Variants in ZNF85 observed in about 807,000 individuals in gnomAD.
The protein encoded by ZNF85 is zinc finger protein 85 (HPF4, HTF1).
Under a neutral mutation model 53.9 loss-of-function variants are expected in ZNF85, and 50 were observed. That is an observed-to-expected ratio of 0.93 (90% CI 0.74 to 1.17). The LOEUF is 1.17. Among genes scored for constraint, ZNF85 ranks in the 50% most tolerant of loss-of-function variants. The probability of loss-of-function intolerance (pLI) is 0.00; values close to 1 mark genes in which losing one functional copy is unlikely to be tolerated. For synonymous variants in ZNF85, 225 were observed against 226.1 expected, an observed-to-expected ratio of 1.00 and a Z score of 0.04; for missense variants, 747 against 688.5, an observed-to-expected ratio of 1.08 and a Z score of -0.95.
intron 3 of ZNF85, among the ~76,000 whole-genome samples, chr19:20,941,385 C>T (rs1269789665): frequency 2.0e-5 from 3 of 152,276 alleles, no homozygotes; most frequent in East Asian, 3.9e-4. Flanking sequence ...TCCTCAGCCT[C>T]CTGAGTAGCT....
chr19:20,940,537 CA>C (rs139040245), intron 3 of ZNF85, among the ~76,000 whole-genome samples: 3 of 148,396 alleles, frequency 2.0e-5, no homozygotes, highest in Non-Finnish European at 3.0e-5. Flanking sequence ...ACCCTGTCTC[CA>C]AAAAAAAAAT....
intron 3 of ZNF85, among the ~76,000 whole-genome samples, chr19:20,938,463 A>G (rs1040696709): frequency 3.1e-4 from 47 of 152,016 alleles, no homozygotes; most frequent in Admixed American, 2.3e-3. Context: ...TGGCTCTCTC[A>G]TAAGGGCATT....
intron 1 of ZNF85, among the ~76,000 whole-genome samples, chr19:20,925,582 A>G (rs1231807747): frequency 1.3e-5 from 2 of 152,190 alleles, no homozygotes; most frequent in Non-Finnish European, 2.9e-5. Flanking sequence ...AAAAAATAGT[A>G]TCCCAAAAGA....
intron 2 of ZNF85, among the ~76,000 whole-genome samples, chr19:20,934,362 A>G (rs1449145699): frequency 6.6e-6 from 1 of 152,182 alleles, no homozygotes; most frequent in Non-Finnish European, 1.5e-5. Flanking sequence ...GCTGATCTGT[A>G]TCCTTCACTG....
intron 2 of ZNF85, 145 bp downstream of exon 2, chr19:20,934,295 G>A: frequency 1.7e-6 from 2 of 1,168,920 alleles, no homozygotes; most frequent in Non-Finnish European, 1.2e-6. Context: ...ATTAATACAT[G>A]TAGAAAAGAA....
chr19:20,941,360 G>A (rs1414626514), intron 3 of ZNF85, among the ~76,000 whole-genome samples: 1 of 152,138 alleles, frequency 6.6e-6, no homozygotes, highest in South Asian at 2.1e-4. Flanking sequence ...TCTGCCTCTG[G>A]GGTTCAAGCA....
intron 1 of ZNF85, among the ~76,000 whole-genome samples, chr19:20,928,982 C>G (rs1027629942): frequency 6.6e-6 from 1 of 152,006 alleles, no homozygotes; most frequent in East Asian, 1.9e-4. Flanking sequence ...CACAGAGGTA[C>G]TAAGCATAGC....
chr19:20,943,478 G>T (rs1214616386), intron 3 of ZNF85: 1 of 152,180 alleles, frequency 6.6e-6, no homozygotes, highest in Non-Finnish European at 1.5e-5. Context: ...CATTGTGGAA[G>T]CTTACTGAAA....
At chr19:20,947,555 T>C (rs1037377929) in intron 3 of ZNF85, among the ~76,000 whole-genome samples, 6 of 136,056 alleles carry the variant, frequency 4.4e-5, no homozygotes, top group African/African-American at 1.6e-4. Context: ...CATAGTTCCC[T>C]TCTCGCTTGC....
At position 20,948,746 on chromosome 19, in the gene ZNF85, A is replaced by T. The variant is rs193252937; in HGVS notation, c.232A>T (p.Met78Leu). ...HEIMVAKPTV[M>L]CSHFAQDLWP... ...TTTGTCATTTTTGTTTCTTTCAGTT[A>T]TGTGTTCTCATTTTGCCCAAGACCT... Residue 78 changes from methionine to leucine, a missense_variant and splice_region_variant, in exon 4 of 4, where the codon ATG becomes TTG. Transcript: ENST00000328178. 26 of 1,542,398 alleles carry T rather than the reference A, an allele frequency of 1.7e-5. No individual in the cohort carries two copies. Among genetic ancestry groups the T allele is most frequent in the Non-Finnish European group, 6.1e-6 (7 of 1,148,528 alleles).
At chr19:20,942,598 TA>T (rs1973323196) in intron 3 of ZNF85, among the ~76,000 whole-genome samples, 3 of 152,224 alleles carry the variant, frequency 2.0e-5, no homozygotes, top group African/African-American at 7.2e-5. Context: ...CTGTAGTTTG[TA>T]TTGACATCTT....
At chr19:20,934,507 C>T (rs151073106) in intron 2 of ZNF85, among the ~76,000 whole-genome samples, 1,799 of 152,220 alleles carry the variant, frequency 0.012, 32 homozygotes, top group African/African-American at 0.034. Flanking sequence ...TGGTGGCTCA[C>T]GCCTGTAATC....
chr19:20,923,296 T>C lies in ZNF85; in HGVS notation c.-105T>C. 3 of 1,575,118 alleles carry C rather than the reference T, an allele frequency of 1.9e-6. No individual in the cohort carries two copies. The South Asian group carries it at 3.3e-5, about 18-fold the overall frequency. ...CCTGAGCTCTAGGTCTTGTTTTCCCTGCTTTGTGTTTTCTGCTCGTGGACG... is the reference window on the plus strand; with the variant it reads ...CCTGAGCTCTAGGTCTTGTTTTCCCCGCTTTGTGTTTTCTGCTCGTGGACG... On this transcript the variant is annotated 5_prime_UTR_variant, in exon 1 of 4. Transcript: ENST00000328178.
chr19:20,946,476 C>T, intron 3 of ZNF85: 1 of 283,856 alleles, frequency 3.5e-6, no homozygotes, highest in Non-Finnish European at 6.8e-6. Context: ...ATTGAAATAT[C>T]CTACTATAAA....
In ZNF85 at chr19:20,950,244, G is replaced by T. The variant is rs1439715330; in HGVS notation, c.1730G>T (p.Trp577Leu). The T allele has an allele frequency of 6.2e-7, 1 of 1,602,636 alleles. No individual in the cohort carries two copies. Residue 577 changes from tryptophan (W) to leucine (L), a missense_variant, in exon 4 of 4, where the codon TGG becomes TTG. By Grantham distance (61) the Trp-to-Leu change is moderately conservative. Coordinates refer to ENST00000328178, the MANE Select transcript of ZNF85 (RefSeq NM_003429.5). ...KCEECDKAFK[W>L]SSVLTKHKII... ...GAAGAATGTGACAAAGCTTTTAAAT[G>T]GTCCTCAGTCCTTACTAAACATAAG... is the stretch of plus-strand genomic sequence containing the variant.
intron 3 of ZNF85, among the ~76,000 whole-genome samples, chr19:20,942,116 T>C (rs1284662049): frequency 2.0e-5 from 3 of 152,050 alleles, no homozygotes; most frequent in Non-Finnish European, 4.4e-5. Flanking sequence ...TATCTGTTTT[T>C]GTGTCAGTAC....
At chr19:20,942,301 C>G (rs1449798293) in intron 3 of ZNF85, among the ~76,000 whole-genome samples, 1 of 150,998 alleles carries the variant, frequency 6.6e-6, no homozygotes, top group African/African-American at 2.5e-5. Context: ...CACCTCCACA[C>G]CTGGCTAATT....
rs7254311 is a variant in ZNF85 at position 20,934,997 on chromosome 19, A to C, written c.179A>C (p.Lys60Thr). Residue 60 changes from lysine to threonine, a missense_variant, in exon 3 of 4, where the codon AAA (lysine) becomes ACA (threonine). Coordinates refer to ENST00000328178, the MANE Select transcript of ZNF85 (RefSeq NM_003429.5). ...PDLITCLEQGKEAWSMKRHEI... is the reference protein window; with the variant it reads ...PDLITCLEQGTEAWSMKRHEI... ...CTGATCACTTGTCTGGAGCAAGGGA[A>C]AGAGGCCTGGAGTATGAAGAGACAT... is the stretch of plus-strand genomic sequence containing the variant. 1,895 of 1,611,678 alleles carry C rather than the reference A, an allele frequency of 1.2e-3. 16 individuals carry two copies. The African/African-American group carries it at 0.023, about 20-fold the overall frequency.
chr19:20,950,401 T>C lies in ZNF85; in HGVS notation c.*99T>C. Reference sequence around the variant, plus strand: ...TAACCTGAAAGATGTGACAATAATTTTGACAACACCTCAGACTTATAAAAG... The same window carrying C: ...TAACCTGAAAGATGTGACAATAATTCTGACAACACCTCAGACTTATAAAAG... On this transcript the variant is annotated 3_prime_UTR_variant, in exon 4 of 4. Coordinates refer to ENST00000328178, the MANE Select transcript of ZNF85 (RefSeq NM_003429.5). 1 of 836,140 alleles carries C rather than the reference T, an allele frequency of 1.2e-6. No individual in the cohort carries two copies. Among genetic ancestry groups the C allele is most frequent in the Non-Finnish European group, 1.8e-6 (1 of 561,072 alleles). The allele number at this position is 836,140 out of a possible 1,614,324, so 51.8% of individuals were successfully genotyped here. A position where few individuals can be genotyped will look rare whatever the true frequency, so the allele number is the denominator to read the frequency against.
Sources: allele counts gnomAD v4.1 joint callset (sites outside exome capture counted in the v4.1 genomes callset), GRCh38; gene constraint gnomAD v4.1.1; transcripts MANE v1.5; gene names NCBI Gene and HGNC (gene_info 2026-07-23, HGNC 2026-07-21).